CCSER1: variants seen among roughly 807,000 people sequenced by gnomAD.
CCSER1 encodes coiled-coil serine rich protein 1, also known as serine-rich coiled-coil domain-containing protein 1.
Under a neutral mutation model 82.0 loss-of-function variants are expected in CCSER1, and 41 were observed. That is an observed-to-expected ratio of 0.50 (90% confidence interval 0.39 to 0.65). The LOEUF (loss-of-function observed/expected upper bound fraction) is 0.65, where lower values mean the gene tolerates loss of function less well. Among genes scored for constraint, CCSER1 ranks in the 30% least tolerant of loss-of-function variants. CCSER1 has a pLI of 0.00. For synonymous variants in CCSER1, 414 were observed against 383.9 expected (o/e 1.08, Z -0.92); for missense variants, 1,119 against 1,064.2 (o/e 1.05, Z -0.72).
intron 10 of CCSER1, among the ~76,000 whole-genome samples, chr4:91,354,438 C>A (rs1748686406): frequency 1.3e-5 from 2 of 152,138 alleles, no homozygotes; most frequent in Admixed American, 1.3e-4. Flanking sequence ...TCCAGTATAA[C>A]CCTGTGGGGC....
chr4:90,512,898 A>T (rs1771747111), intron 5 of CCSER1, among the ~76,000 whole-genome samples: 1 of 152,232 alleles, frequency 6.6e-6, no homozygotes, highest in Non-Finnish European at 1.5e-5. Context: ...ACATTTATTT[A>T]TCAGAAATTA....
intron 10 of CCSER1, among the ~76,000 whole-genome samples, chr4:91,466,819 G>A (rs1259441591): frequency 1.3e-5 from 2 of 152,074 alleles, no homozygotes; most frequent in South Asian, 2.1e-4. Context: ...ACCTCTTCAA[G>A]GAGAACTACA....
At chr4:90,732,791 A>C (rs1744983374) in intron 7 of CCSER1, among the ~76,000 whole-genome samples, 1 of 152,158 alleles carries the variant, frequency 6.6e-6, no homozygotes, top group Non-Finnish European at 1.5e-5. Flanking sequence ...TAATTTTCTT[A>C]CTTTCCTTGG....
chr4:90,360,096 T>C (rs1745091346), intron 3 of CCSER1, among the ~76,000 whole-genome samples: 2 of 148,886 alleles, frequency 1.3e-5, no homozygotes, highest in Admixed American at 1.3e-4. Context: ...TTTTTGTATT[T>C]TTAGTAGAGA....
chr4:90,148,849 C>T (rs184775515), intron 1 of CCSER1, among the ~76,000 whole-genome samples: 21 of 152,222 alleles, frequency 1.4e-4, no homozygotes, highest in African/African-American at 4.1e-4. Context: ...CATACCTATA[C>T]GTCTACTTTC....
At chr4:90,446,960 T>G (rs1354812555) in intron 4 of CCSER1, among the ~76,000 whole-genome samples, 1 of 152,208 alleles carries the variant, frequency 6.6e-6, no homozygotes, top group South Asian at 2.1e-4. Context: ...CTTACTATAT[T>G]GTAAGAATAC....
chr4:90,299,894 C>G (rs551229261), intron 1 of CCSER1, among the ~76,000 whole-genome samples: 1 of 152,064 alleles, frequency 6.6e-6, no homozygotes, highest in African/African-American at 2.4e-5. Context: ...GATCAATGTC[C>G]TTTGATATGT....
intron 1 of CCSER1, among the ~76,000 whole-genome samples, chr4:90,305,713 T>C (rs1734138976): frequency 6.6e-6 from 1 of 152,190 alleles, no homozygotes; most frequent in Admixed American, 6.5e-5. Flanking sequence ...AAAAGGGAAC[T>C]CTTGCACACT....
In CCSER1 at chr4:91,074,474, A is replaced by C. The variant is rs141306006; in HGVS notation, c.2173-11476A>C. Among the ~76,000 whole-genome samples the C allele has an allele frequency of 2.2e-3, 342 of 152,300 alleles. 5 individuals carry two copies. The highest frequency in any genetic ancestry group is 6.7e-3 in the East Asian group (35 of 5,188). The stretch of plus-strand genomic sequence containing the variant: ...TAAAGATTCTTTCATTTATACTATA[A>C]ATTATTTCAATTTTATAGCTGTGGA... On this transcript the variant is annotated intron_variant, in intron 9 of 10. Coordinates refer to ENST00000509176, the MANE Select transcript of CCSER1 (RefSeq NM_001145065.2).
intron 9 of CCSER1, among the ~76,000 whole-genome samples, chr4:90,968,722 A>G (rs1320720780): frequency 6.6e-6 from 1 of 152,200 alleles, no homozygotes; most frequent in Admixed American, 6.5e-5. Flanking sequence ...ACAGGAAGTT[A>G]CATCTTCACC....
intron 10 of CCSER1, among the ~76,000 whole-genome samples, chr4:91,296,449 T>TA (rs1744167582): frequency 3.2e-5 from 3 of 94,114 alleles, no homozygotes; most frequent in African/African-American, 1.1e-4. Flanking sequence ...GTGTCTAACA[T>TA]TATATATATA....
intron 1 of CCSER1, among the ~76,000 whole-genome samples, chr4:90,257,015 G>T (rs1282575264): frequency 6.6e-6 from 1 of 151,822 alleles, no homozygotes; most frequent in Non-Finnish European, 1.5e-5. Flanking sequence ...ACTATCTGTA[G>T]TTTCAGGCAT....
At chr4:90,198,017 G>A (rs910550775) in intron 1 of CCSER1, among the ~76,000 whole-genome samples, 1 of 152,042 alleles carries the variant, frequency 6.6e-6, no homozygotes, top group Admixed American at 6.6e-5. Context: ...TTGCATACCT[G>A]TATCAAAACA....
chr4:90,885,345 A>G (rs1721963297), intron 8 of CCSER1, among the ~76,000 whole-genome samples: 1 of 152,170 alleles, frequency 6.6e-6, no homozygotes, highest in South Asian at 2.1e-4. Context: ...CTGAATATTG[A>G]AGACTGTTGA....
chr4:91,195,011 CTATATT>C (rs1169937981), intron 10 of CCSER1, among the ~76,000 whole-genome samples: 1 of 152,050 alleles, frequency 6.6e-6, no homozygotes, highest in African/African-American at 2.4e-5. Flanking sequence ...CCTGAAGAAG[CTATATT>C]TATTTTCTTT....
At chr4:90,833,241 G>A (rs1033412298) in intron 8 of CCSER1, among the ~76,000 whole-genome samples, 10 of 152,194 alleles carry the variant, frequency 6.6e-5, no homozygotes, top group Non-Finnish European at 4.4e-5. Context: ...AAAGGACGAA[G>A]AGGGGCCTAA....
intron 1 of CCSER1, among the ~76,000 whole-genome samples, chr4:90,241,679 AG>A (rs1746869088): frequency 6.6e-6 from 1 of 152,182 alleles, no homozygotes; most frequent in Admixed American, 6.5e-5. Flanking sequence ...AAAGAAGGAA[AG>A]GGATACACGT....
intron 10 of CCSER1, among the ~76,000 whole-genome samples, chr4:91,321,844 T>C (rs1852716): frequency 0.78 from 118,930 of 151,912 alleles, 47,319 homozygotes; most frequent in African/African-American, 0.93. Context: ...TTTAAATTTA[T>C]ATTTTACTCT....
chr4:90,417,690 A>C (rs541685448), intron 4 of CCSER1, among the ~76,000 whole-genome samples: 1 of 152,250 alleles, frequency 6.6e-6, no homozygotes, highest in African/African-American at 2.4e-5. Context: ...GTAGTTGCTA[A>C]ATTATTTTGA....
Sources: allele counts gnomAD v4.1 joint callset (sites outside exome capture counted in the v4.1 genomes callset), GRCh38; gene constraint gnomAD v4.1.1; transcripts MANE v1.5; gene names NCBI Gene and HGNC (gene_info 2026-07-23, HGNC 2026-07-21).